ATF7IP2: variants seen among roughly 807,000 people sequenced by gnomAD.
The protein encoded by ATF7IP2 is activating transcription factor 7-interacting protein 2.
A neutral mutation model predicts 64.2 loss-of-function variants in ATF7IP2; 42 were observed. That is an observed-to-expected ratio of 0.65 (90% CI 0.51 to 0.85). The LOEUF (loss-of-function observed/expected upper bound fraction) is 0.85, where lower values mean the gene tolerates loss of function less well. Ranked by LOEUF, ATF7IP2 falls within the 40% of genes least tolerant of loss-of-function variation. The pLI, the probability that ATF7IP2 is intolerant of heterozygous loss-of-function variation, is 0.00. For synonymous variants in ATF7IP2, 308 were observed against 272.8 expected (o/e 1.13, Z -1.27); for missense variants, 933 against 784.2 (o/e 1.19, Z -2.27).
At chr16:10,437,904 A>G (rs2048476525) in intron 6 of ATF7IP2, among the ~76,000 whole-genome samples, 197 bp from the exon 7 acceptor site, 1 of 152,240 alleles carries the variant, frequency 6.6e-6, no homozygotes, top group Non-Finnish European at 1.5e-5. Flanking sequence ...GTATACTTAA[A>G]TATTGGATGT....
rs144715433 is a variant in ATF7IP2, at chr16:10,439,385, G to A, written c.1096-979G>A. Among the ~76,000 whole-genome samples, 1,325 of 151,626 alleles carry A rather than the reference G, an allele frequency of 8.7e-3. 16 individuals carry two copies. Among genetic ancestry groups the A allele is most frequent in the African/African-American group, 0.03 (1,227 of 41,372 alleles). On this transcript the variant is annotated intron_variant, in intron 7 of 13. Transcript: ENST00000562102. ...CCAGTAGCTGGGACTACAGGCGCCC[G>A]CCACCGTGCCCGGCTAATTTTTTGT...
In ATF7IP2 at chr16:10,433,612, G is replaced by C. The variant is rs2048326545; in HGVS notation, c.923G>C (p.Cys308Ser). 6.2e-7 allele frequency: 1 copy of C among 1,613,686 alleles called. No homozygotes were observed. The highest frequency in any genetic ancestry group is 1.7e-5 in the Admixed American group (1 of 59,956). ...TCAGAGCAAATTAATGAAAATATTT[G>C]TGTAAGTTTGGAAAGGCAAACAGCA... is the stretch of plus-strand genomic sequence containing the variant. ...KTSEQINENI[C>S]VSLERQTAFL... Residue 308 changes from cysteine to serine, a missense_variant, in exon 6 of 14, where the codon TGT becomes TCT. By Grantham distance (112) the Cys-to-Ser change is moderately radical. Transcript: ENST00000562102.
chr16:10,471,236 G>T (rs1201999633), intron 9 of ATF7IP2, among the ~76,000 whole-genome samples: 1 of 152,074 alleles, frequency 6.6e-6, no homozygotes, highest in Non-Finnish European at 1.5e-5. Context: ...GCAAGAAAAT[G>T]GTATAATTGG....
intron 8 of ATF7IP2, among the ~76,000 whole-genome samples, chr16:10,450,312 C>T (rs2048943404): frequency 6.6e-6 from 1 of 152,136 alleles, no homozygotes; most frequent in African/African-American, 2.4e-5. Context: ...GTGGAGAGTT[C>T]TGTAGATGTC....
chr16:10,407,957 G>T (rs1319184285), intron 1 of ATF7IP2, among the ~76,000 whole-genome samples: 3 of 151,314 alleles, frequency 2.0e-5, no homozygotes, highest in Non-Finnish European at 4.4e-5. Context: ...CTCTCACCAG[G>T]CTGGAGTGCA....
At position 10,394,448 on chromosome 16, in the gene ATF7IP2, A is replaced by G. The variant is rs187844419; in HGVS notation, c.-242+8326A>G. On this transcript the variant is annotated intron_variant, in intron 1 of 13. Transcript: ENST00000562102. ...TTCAGTAATAATTGGAGAATTCAAT[A>G]CAACACTGTCATAATGGATAGAAAA... Among the ~76,000 whole-genome samples, 3 of 152,372 alleles carry G rather than the reference A, an allele frequency of 2.0e-5. No individual in the cohort carries two copies. The East Asian group carries it at 5.8e-4, about 29-fold the overall frequency.
chr16:10,440,160 C>G (rs560865612), intron 7 of ATF7IP2, among the ~76,000 whole-genome samples: 16 of 150,914 alleles, frequency 1.1e-4, no homozygotes, highest in Middle Eastern at 3.4e-3. Flanking sequence ...AACTCCATCT[C>G]AAAAAAAAAT....
chr16:10,451,161 G>A (rs956030794), intron 8 of ATF7IP2, among the ~76,000 whole-genome samples: 2 of 152,220 alleles, frequency 1.3e-5, no homozygotes, highest in African/African-American at 4.8e-5. Flanking sequence ...CTTCTGGCTT[G>A]TAGGGTTTCT....
In ATF7IP2 at chr16:10,440,443, C is replaced by T; in HGVS notation, c.1175C>T (p.Ser392Phe). ...QRNCLKPNMLSSNGASKVANS... is the reference protein window; with the variant it reads ...QRNCLKPNMLFSNGASKVANS... The stretch of plus-strand genomic sequence containing the variant: ...AATTGTTTGAAACCAAACATGTTAT[C>T]CAGTAATGGAGCCTCTAAGGTTTGT... The change falls in exon 8 of 14, where the codon TCC becomes TTC. Residue 392 changes from serine to phenylalanine, a missense_variant. Ser to Phe is a radical substitution (Grantham distance 155, BLOSUM62 -2). Transcript: ENST00000562102. 2 of 1,545,802 alleles carry T rather than the reference C, an allele frequency of 1.3e-6. No homozygotes were observed. The highest frequency in any genetic ancestry group is 2.1e-5 in the Admixed American group (1 of 47,988).
At chr16:10,472,084 T>C (rs754089942) in intron 9 of ATF7IP2, 26 bp from the exon 10 acceptor site, 1 of 1,366,636 alleles carries the variant, frequency 7.3e-7, no homozygotes, top group Non-Finnish European at 1.0e-6. Flanking sequence ...TTAGTTTTTG[T>C]TTTTAATTTC....
At chr16:10,417,315 G>A (rs149225110) in intron 2 of ATF7IP2, among the ~76,000 whole-genome samples, 193 of 152,154 alleles carry the variant, frequency 1.3e-3, no homozygotes, top group African/African-American at 4.4e-3. Context: ...CATCAACCAC[G>A]TATATGCTGC....
rs1159752132 is a variant in ATF7IP2, at chr16:10,482,408, G to C, written c.*159G>C. 2 of 570,136 alleles carry C rather than the reference G, an allele frequency of 3.5e-6. No individual in the cohort carries two copies. Among genetic ancestry groups the C allele is most frequent in the Non-Finnish European group, 6.0e-6 (2 of 331,986 alleles). The allele number at this position is 570,136 out of a possible 1,614,324, so 35.3% of individuals were successfully genotyped here. On this transcript the variant is annotated 3_prime_UTR_variant, in exon 14 of 14. Coordinates refer to ENST00000562102, the MANE Select transcript of ATF7IP2 (RefSeq NM_001393719.1). ...TGTTTTAAGTGGCCAGTAATTTAAT[G>C]AATTTCTGGTTTGTATTAAATATGT... is the stretch of plus-strand genomic sequence containing the variant.
At chr16:10,436,554 A>T (rs992247783) in intron 6 of ATF7IP2, among the ~76,000 whole-genome samples, 20 of 151,992 alleles carry the variant, frequency 1.3e-4, no homozygotes, top group Non-Finnish European at 2.9e-4. Flanking sequence ...GAGTGAGAAC[A>T]CTTGGAAACA....
At chr16:10,466,165 A>G (rs2049562028) in intron 9 of ATF7IP2, among the ~76,000 whole-genome samples, 3 of 152,208 alleles carry the variant, frequency 2.0e-5, no homozygotes, top group African/African-American at 7.2e-5. Context: ...CATGATACCC[A>G]TCCGTGCTGT....
chr16:10,415,212 A>C (rs914836576), intron 2 of ATF7IP2, among the ~76,000 whole-genome samples: 2 of 152,194 alleles, frequency 1.3e-5, no homozygotes, highest in Non-Finnish European at 2.9e-5. Flanking sequence ...GAATCACATT[A>C]CCTTACTTGA....
At chr16:10,410,288 C>G (rs2047727760) in intron 1 of ATF7IP2, among the ~76,000 whole-genome samples, 1 of 151,878 alleles carries the variant, frequency 6.6e-6, no homozygotes, top group African/African-American at 2.4e-5. Flanking sequence ...GGTCTTTTGA[C>G]TCCTTGGTTA....
At chr16:10,450,836 T>A (rs1238887772) in intron 8 of ATF7IP2, among the ~76,000 whole-genome samples, 1 of 152,246 alleles carries the variant, frequency 6.6e-6, no homozygotes, top group Non-Finnish European at 1.5e-5. Flanking sequence ...TATTGTTATG[T>A]GTGAATTTGA....
rs2050307338 is a variant in ATF7IP2, at chr16:10,483,362, T to TA, written c.*1113_*1114insA. On this transcript the variant is annotated 3_prime_UTR_variant, in exon 14 of 14. Coordinates refer to ENST00000562102, the MANE Select transcript of ATF7IP2 (RefSeq NM_001393719.1). Reference sequence around the variant, plus strand: ...AATACTAAGGGGCTCAGATGTGTCTTGTGCCCACCTCTTCCTGAGAAGAGA... The same window carrying TA: ...AATACTAAGGGGCTCAGATGTGTCTTAGTGCCCACCTCTTCCTGAGAAGAGA... 2.6e-5 allele frequency: 4 copies of TA among 152,190 alleles called. No individual in the cohort carries two copies. The highest frequency in any genetic ancestry group is 9.7e-5 in the African/African-American group (4 of 41,434). The allele number at this position is 152,190 out of a possible 1,614,324, so 9.4% of individuals were successfully genotyped here.
intron 1 of ATF7IP2, among the ~76,000 whole-genome samples, chr16:10,393,871 T>C (rs1056167648): frequency 6.6e-6 from 1 of 152,122 alleles, no homozygotes; most frequent in Non-Finnish European, 1.5e-5. Flanking sequence ...TAAGACCTTG[T>C]CTCTACAAAA....
Sources: gnomAD v4.1 joint callset for allele counts (sites outside exome capture counted in the v4.1 genomes callset) on GRCh38, gnomAD v4.1.1 for gene constraint, MANE v1.5 for transcripts, NCBI Gene and HGNC (gene_info 2026-07-23, HGNC 2026-07-21) for gene names.